The following ITSN1 variants were observed in gnomAD, a reference collection of about 807,000 sequenced individuals.
ITSN1 encodes intersectin 1, also known as intersectin-1.
In ITSN1, 58 loss-of-function variants were observed where a neutral mutation model predicts 239.8. The observed-to-expected ratio is 0.24, with a 90% CI of 0.20 to 0.30. ITSN1 has a LOEUF of 0.30. Ranked by LOEUF, ITSN1 falls within the 10% of genes least tolerant of loss-of-function variation. The probability of loss-of-function intolerance (pLI) is 1.00; values close to 1 mark genes in which losing one functional copy is unlikely to be tolerated. For synonymous variants in ITSN1, 780 were observed against 770.8 expected (o/e 1.01, Z -0.20); for missense variants, 1,558 against 2,103.3 (o/e 0.74, Z 5.07).
intron 5 of ITSN1, among the ~76,000 whole-genome samples, chr21:33,743,040 A>G (rs2066956019): frequency 6.6e-6 from 1 of 152,220 alleles, no homozygotes; most frequent in South Asian, 2.1e-4. Context: ...TTTAAGGCTC[A>G]TAAATAAGGT....
At chr21:33,687,182 A>G (rs932947501) in intron 1 of ITSN1, among the ~76,000 whole-genome samples, 1 of 151,808 alleles carries the variant, frequency 6.6e-6, no homozygotes, top group Admixed American at 6.6e-5. Context: ...AAATACAAAA[A>G]TTAGTCAGGC....
chr21:33,748,286 CA>C (rs1462362352), intron 5 of ITSN1, among the ~76,000 whole-genome samples: 1 of 151,642 alleles, frequency 6.6e-6, no homozygotes. Flanking sequence ...CCTGTCTCTA[CA>C]AAAAAATAAA....
At position 33,704,923 on chromosome 21, in the gene ITSN1, TAAAAAAAA is replaced by T. The variant is rs55966725; in HGVS notation, c.-32-13857_-32-13850del. On this transcript the variant is annotated intron_variant, in intron 1 of 39. Transcript: ENST00000381318. ...CTAACATGGAGAAACCCATCTCTAC[TAAAAAAAA>T]AAAAAAAAAAAAAAAATACAAACAA... is the stretch of plus-strand genomic sequence containing the variant. 9.6e-3 allele frequency among the ~76,000 whole-genome samples: 897 copies of T among 93,682 alleles called. 7 individuals are homozygous for T. Among genetic ancestry groups the T allele is most frequent in the African/African-American group, 0.037 (843 of 23,076 alleles). The allele number at this position is 93,682 out of a possible 152,430, so 61.5% of individuals were successfully genotyped here.
At chr21:33,652,156 G>T (rs969592014) in intron 1 of ITSN1, among the ~76,000 whole-genome samples, 1 of 152,062 alleles carries the variant, frequency 6.6e-6, no homozygotes, top group Non-Finnish European at 1.5e-5. Context: ...CTTAGCCCGG[G>T]AGAGTTGAAG....
intron 1 of ITSN1, among the ~76,000 whole-genome samples, chr21:33,646,391 A>G (rs2087956743): frequency 6.6e-6 from 1 of 152,264 alleles, no homozygotes; most frequent in Non-Finnish European, 1.5e-5. Context: ...ATATCATTTT[A>G]TAAACCATAA....
chr21:33,766,048 G>A (rs769253885), intron 10 of ITSN1, 36 bp downstream of exon 10: 54 of 1,609,288 alleles, frequency 3.4e-5, no homozygotes, highest in Middle Eastern at 3.3e-4. Flanking sequence ...AATTGTATGC[G>A]GAGTATATGA....
intron 6 of ITSN1, among the ~76,000 whole-genome samples, chr21:33,751,190 T>C (rs1202862336): frequency 6.6e-6 from 1 of 152,200 alleles, no homozygotes; most frequent in Admixed American, 6.5e-5. Flanking sequence ...CCAGAAAGTG[T>C]GTGCAGTTGT....
intron 27 of ITSN1, among the ~76,000 whole-genome samples, chr21:33,833,157 C>G (rs974418814): frequency 2.6e-5 from 4 of 152,078 alleles, no homozygotes; most frequent in Non-Finnish European, 5.9e-5. Flanking sequence ...CAAAACCCGC[C>G]TCACCAACTT....
At chr21:33,772,674 A>C (rs192669491) in intron 12 of ITSN1, among the ~76,000 whole-genome samples, 1 of 152,220 alleles carries the variant, frequency 6.6e-6, no homozygotes, top group African/African-American at 2.4e-5. Context: ...GTTCATCCAC[A>C]TTGTAAAATG....
In ITSN1 at chr21:33,811,101, G is replaced by T. The variant is rs751233796; in HGVS notation, c.2446G>T (p.Val816Leu). Residue 816 changes from valine (V) to leucine (L), a missense_variant, in exon 21 of 40, where the codon GTG (valine) becomes TTG (leucine). Coordinates refer to ENST00000381318, the MANE Select transcript of ITSN1 (RefSeq NM_003024.3). The part of the protein sequence containing the change: ...ENEVPAPVKP[V>L]TDSTSAPAPK... ...TGAGGTTCCCGCTCCAGTGAAACCA[G>T]TGACTGATTCAACATCTGCCCCTGC... 6.2e-7 allele frequency: 1 copy of T among 1,614,204 alleles called. No homozygotes were observed. The highest frequency in any genetic ancestry group is 8.5e-7 in the Non-Finnish European group (1 of 1,180,034).
chr21:33,780,492 G>A (rs1361476873), intron 14 of ITSN1, among the ~76,000 whole-genome samples: 1 of 152,096 alleles, frequency 6.6e-6, no homozygotes, highest in African/African-American at 2.4e-5. Flanking sequence ...ATTCATAGGA[G>A]AAGATGCTTC....
At chr21:33,762,836 G>GA (rs1358454401) in intron 9 of ITSN1, among the ~76,000 whole-genome samples, 2 of 151,362 alleles carry the variant, frequency 1.3e-5, no homozygotes, top group Non-Finnish European at 2.9e-5. Flanking sequence ...GCTAATTTTT[G>GA]TTTTTTTAGT....
In ITSN1 at chr21:33,826,806, C is replaced by G; in HGVS notation, c.3184-12C>G. 6.2e-7 allele frequency: 1 copy of G among 1,613,048 alleles called. No individual in the cohort carries two copies. The highest frequency in any genetic ancestry group is 8.5e-7 in the Non-Finnish European group (1 of 1,179,254). On this transcript the variant is annotated splice_polypyrimidine_tract_variant and intron_variant, in intron 25 of 39. Transcript: ENST00000381318. The stretch of plus-strand genomic sequence containing the variant: ...TTCAGCATGCAAATGAGACCTTTTG[C>G]TCTGTTTTAAGGGCTCTGGAACTGC...
intron 1 of ITSN1, among the ~76,000 whole-genome samples, chr21:33,683,610 A>G (rs1315400909): frequency 6.6e-6 from 1 of 152,140 alleles, no homozygotes. Flanking sequence ...CTCGGTAGAG[A>G]TCTGAGAACT....
intron 25 of ITSN1, among the ~76,000 whole-genome samples, chr21:33,824,408 A>G (rs561229547): frequency 7.5e-4 from 114 of 152,246 alleles, no homozygotes; most frequent in South Asian, 4.1e-3. Context: ...AACAGATCCA[A>G]TGCACATTTA....
In ITSN1 at chr21:33,811,188, A is replaced by G; in HGVS notation, c.2533A>G (p.Thr845Ala). Residue 845 changes from threonine (T) to alanine (A), a missense_variant, in exon 21 of 40, where the codon ACG (threonine) becomes GCG (alanine). This residue lies in a region of ITSN1 where 982 missense variants were observed against 1,209.9 expected (regional missense o/e 0.81). Coordinates refer to ENST00000381318, the MANE Select transcript of ITSN1 (RefSeq NM_003024.3). Reference protein sequence around the residue: ...PLAVTSSEPSTTPNNWADFSS... With the variant: ...PLAVTSSEPSATPNNWADFSS... ...GGCAGTAACCTCTTCAGAGCCCTCC[A>G]CGACCCCTAATAACTGGGCCGACTT... The G allele has an allele frequency of 6.4e-7, 1 of 1,569,876 alleles. No individual in the cohort carries two copies. Among genetic ancestry groups the G allele is most frequent in the Non-Finnish European group, 8.6e-7 (1 of 1,164,332 alleles).
intron 1 of ITSN1, among the ~76,000 whole-genome samples, chr21:33,656,773 C>T (rs558887284): frequency 6.3e-4 from 96 of 152,264 alleles, no homozygotes; most frequent in African/African-American, 2.0e-3. Context: ...CGCAATCGTG[C>T]GATCTCGGCT....
intron 16 of ITSN1, among the ~76,000 whole-genome samples, chr21:33,790,813 T>C (rs184398361): frequency 6.6e-6 from 1 of 152,344 alleles, no homozygotes; most frequent in East Asian, 1.9e-4. Flanking sequence ...AATAATTTGC[T>C]CATTTCCTAG....
chr21:33,870,043 C>A (rs1432980022), intron 33 of ITSN1, among the ~76,000 whole-genome samples: 1 of 152,146 alleles, frequency 6.6e-6, no homozygotes, highest in African/African-American at 2.4e-5. Context: ...CTCTCATTAT[C>A]CTCAATGTGT....
Sources: allele counts gnomAD v4.1 joint callset (sites outside exome capture counted in the v4.1 genomes callset), GRCh38; gene constraint gnomAD v4.1.1; regional missense constraint gnomAD v4.1.1; transcripts MANE v1.5; gene names NCBI Gene and HGNC (gene_info 2026-07-23, HGNC 2026-07-21).